TCF3: variants seen among roughly 807,000 people sequenced by gnomAD.
The protein encoded by TCF3 is transcription factor 3, also known as transcription factor E2-alpha.
Under a neutral mutation model 72.3 loss-of-function variants are expected in TCF3, and 54 were observed. The ratio of observed to expected loss-of-function variants is 0.75; its 90% confidence interval spans 0.60 to 0.94. TCF3 has a LOEUF of 0.94. Ranked by LOEUF, TCF3 falls within the 40% of genes least tolerant of loss-of-function variation. The pLI is 0.00. For synonymous variants in TCF3, 525 were observed against 412.6 expected (o/e 1.27, Z -3.30); for missense variants, 1,078 against 934.4 (o/e 1.15, Z -2.00).
chr19:1,614,059 C>A lies in TCF3; in HGVS notation c.1822+1226G>T, dbSNP rs138186572. The stretch of plus-strand genomic sequence containing the variant: ...GTGACCTCGCTCTGTTCCCTGGCTT[C>A]CTACTTGGTAGAATGGATGCCGGTC... On this transcript the variant is annotated intron_variant, in intron 18 of 18. Coordinates refer to ENST00000262965, the MANE Select transcript of TCF3 (RefSeq NM_003200.5). The surrounding 1 kb of genome is among the most constrained non-coding windows in gnomAD (Gnocchi z 5.6). 1.1e-3 allele frequency among the ~76,000 whole-genome samples: 168 copies of A among 152,376 alleles called. No homozygotes were observed. Among genetic ancestry groups the A allele is most frequent in the Non-Finnish European group, 2.1e-3 (146 of 68,038 alleles).
intron 3 of TCF3, among the ~76,000 whole-genome samples, chr19:1,644,181 G>A (rs1283431456): frequency 1.3e-5 from 2 of 152,148 alleles, no homozygotes; most frequent in Admixed American, 1.3e-4. Context: ...TCCGCCCCTC[G>A]CACCCATCGA....
chr19:1,621,294 A>G (rs2146094802), intron 11 of TCF3, 103 bp from the exon 12 acceptor site: 4 of 1,333,776 alleles, frequency 3.0e-6, no homozygotes, highest in Non-Finnish European at 4.0e-6. Context: ...CTGCTGCGCC[A>G]GGGAGAGCAG....
In TCF3 at chr19:1,619,174, C is replaced by T. The variant is rs375753059; in HGVS notation, c.1387G>A (p.Ala463Thr). Residue 463 changes from alanine (A) to threonine (T), a missense_variant, in exon 16 of 19, where the codon GCG becomes ACG. Physicochemically the swap from Ala to Thr is moderately conservative, Grantham distance 58. Transcript: ENST00000262965. The stretch of plus-strand genomic sequence containing the variant: ...GTGCCTGGCTGGCTGGGGAGGGCCG[C>T]GTGGTTGTGCATGAGGCTGGTGCTG... Reference protein sequence around the residue: ...AGSTSLMHNHAALPSQPGTLP... With the variant: ...AGSTSLMHNHTALPSQPGTLP... 1.9e-5 allele frequency: 30 copies of T among 1,600,172 alleles called. No homozygotes were observed. The highest frequency in any genetic ancestry group is 6.7e-5 in the Admixed American group (4 of 59,968).
Position 1,619,743 on chromosome 19 carries a change from T to C in TCF3, c.1167+37A>G, listed in dbSNP as rs1178169147. On this transcript the variant is annotated intron_variant, in intron 14 of 18. Transcript: ENST00000262965. ...AGGAGCGTCTGTCCTGCAAATTCTG[T>C]CGGGGAAGGGTGGGGTGGGGCGGGG... The C allele has an allele frequency of 8.5e-6, 5 of 588,560 alleles. No individual in the cohort carries two copies. In the African/African-American group the frequency reaches 1.9e-4, roughly 22 times the overall value. 36.5% of individuals were successfully genotyped at this position (588,560 alleles called of 1,614,324 possible). A position where few individuals can be genotyped will look rare whatever the true frequency, so the allele number is the denominator to read the frequency against.
chr19:1,621,716 C>T, intron 11 of TCF3, 122 bp downstream of exon 11: 1 of 1,311,608 alleles, frequency 7.6e-7, no homozygotes, highest in South Asian at 1.5e-5. Context: ...CTGACAACAA[C>T]CCGCTCTCAG....
intron 5 of TCF3, among the ~76,000 whole-genome samples, chr19:1,629,796 C>T (rs531182929): frequency 4.6e-5 from 7 of 152,288 alleles, no homozygotes; most frequent in South Asian, 2.1e-4. Context: ...AAAAATTTCC[C>T]GATTTTTGAA....
chr19:1,637,491 C>T (rs2064599890), intron 3 of TCF3, among the ~76,000 whole-genome samples: 1 of 152,214 alleles, frequency 6.6e-6, no homozygotes, highest in Admixed American at 6.5e-5. Context: ...CAGGGCCCCG[C>T]TTTGAATTTC....
intron 3 of TCF3, among the ~76,000 whole-genome samples, chr19:1,635,873 C>T (rs2064325741): frequency 1.3e-5 from 2 of 152,246 alleles, no homozygotes; most frequent in Admixed American, 1.3e-4. Context: ...ACCTCGACAG[C>T]TCCTCACGCA....
Position 1,615,935 on chromosome 19 carries a change from C to T in TCF3, c.1451-114G>A. 1 of 1,347,336 alleles carries T rather than the reference C, an allele frequency of 7.4e-7. No individual in the cohort carries two copies. Among genetic ancestry groups the T allele is most frequent in the Middle Eastern group, 2.1e-4 (1 of 4,834 alleles). 83.5% of individuals were successfully genotyped at this position (1,347,336 alleles called of 1,614,324 possible). On this transcript the variant is annotated intron_variant, in intron 16 of 18. Transcript: ENST00000262965. This position sits in a 1 kb window ranked among gnomAD's most constrained non-coding sequence, Gnocchi z 7.3. ...TTTCCTGGAAAAACCAGGTCTTGGC[C>T]AAAAATAAAAACAAAAAACCAACAA... is the stretch of plus-strand genomic sequence containing the variant.
Position 1,641,436 on chromosome 19 carries a change from G to A in TCF3, c.145+4919C>T, listed in dbSNP as rs961769771. Among the ~76,000 whole-genome samples, 7 of 152,156 alleles carry A rather than the reference G, an allele frequency of 4.6e-5. No individual in the cohort carries two copies. In the South Asian group the frequency reaches 1.5e-3, roughly 32 times the overall value. ...ATACAAGATCAGCCTGGAGAACACA[G>A]CAAGACCCCATCTAGACAATATTTT... is the stretch of plus-strand genomic sequence containing the variant. On this transcript the variant is annotated intron_variant, in intron 3 of 18. Coordinates refer to ENST00000262965, the MANE Select transcript of TCF3 (RefSeq NM_003200.5).
In TCF3 at chr19:1,609,564, A is replaced by G; in HGVS notation, c.*2143T>C. ...CGTTTGAATTCTATGCAGAACGCAC[A>G]GTTCCAGAGGCTATGGGGCCACTGC... On this transcript the variant is annotated 3_prime_UTR_variant, in exon 19 of 19. Transcript: ENST00000262965. 4.6e-6 allele frequency: 1 copy of G among 217,496 alleles called. No homozygotes were observed. The allele number at this position is 217,496 out of a possible 1,614,324, so 13.5% of individuals were successfully genotyped here. A position where few individuals can be genotyped will look rare whatever the true frequency, so the allele number is the denominator to read the frequency against.
At chr19:1,620,437 G>A (rs900175695) in intron 13 of TCF3, among the ~76,000 whole-genome samples, 1 of 152,176 alleles carries the variant, frequency 6.6e-6, no homozygotes, top group Non-Finnish European at 1.5e-5. Context: ...ACCGCACAGG[G>A]TAAACAGTCA....
In TCF3 at chr19:1,609,526, GCTGGGTGAATCT is replaced by G; in HGVS notation, c.*2169_*2180del. The G allele has an allele frequency of 4.6e-6, 1 of 218,440 alleles. No individual in the cohort carries two copies. Among genetic ancestry groups the G allele is most frequent in the East Asian group, 6.7e-5 (1 of 14,876 alleles). The allele number at this position is 218,440 out of a possible 1,614,324, so 13.5% of individuals were successfully genotyped here. On this transcript the variant is annotated 3_prime_UTR_variant, in exon 19 of 19. Coordinates refer to ENST00000262965, the MANE Select transcript of TCF3 (RefSeq NM_003200.5). ...GGAACTGCTGTTTCTTCCTCCTCGC[GCTGGGTGAATCT>G]CGTTTGAATTCTATGCAGAACGCAC... is the stretch of plus-strand genomic sequence containing the variant.
intron 2 of TCF3, 126 bp downstream of exon 2, chr19:1,650,051 G>A (rs1346553626): frequency 1.1e-6 from 1 of 949,920 alleles, no homozygotes. Context: ...AGCCCCACCG[G>A]GGCCTCCCAT....
intron 3 of TCF3, among the ~76,000 whole-genome samples, chr19:1,644,042 G>A (rs1399460942): frequency 6.6e-6 from 1 of 152,206 alleles, no homozygotes; most frequent in Non-Finnish European, 1.5e-5. Context: ...GGTTTGGGAA[G>A]GGATCCCACA....
intron 2 of TCF3, among the ~76,000 whole-genome samples, chr19:1,648,157 T>C (rs1357277905): frequency 1.3e-5 from 2 of 152,168 alleles, no homozygotes; most frequent in Non-Finnish European, 2.9e-5. Flanking sequence ...CTCCCTCGTA[T>C]TTATTTGGAG....
In TCF3 at chr19:1,611,632, G is replaced by A. The variant is rs748072696; in HGVS notation, c.*75C>T. 36 of 1,540,118 alleles carry A rather than the reference G, an allele frequency of 2.3e-5. No homozygotes were observed. Among genetic ancestry groups the A allele is most frequent in the Middle Eastern group, 3.9e-4 (2 of 5,120 alleles). On this transcript the variant is annotated 3_prime_UTR_variant, in exon 19 of 19. Coordinates refer to ENST00000262965, the MANE Select transcript of TCF3 (RefSeq NM_003200.5). ...TGAGGTGTGGATGTGGATGAAGCCCGGGGTCTCGAGTGGCCGTTCTGGGGC... is the reference window on the plus strand; with the variant it reads ...TGAGGTGTGGATGTGGATGAAGCCCAGGGTCTCGAGTGGCCGTTCTGGGGC...
intron 1 of TCF3, chr19:1,651,254 G>C: frequency 8.8e-6 from 2 of 228,514 alleles, no homozygotes; most frequent in East Asian, 6.2e-5. Context: ...TCCCCAGGTG[G>C]GGACGGGGGC....
At chr19:1,625,745 G>C in intron 6 of TCF3, 37 bp from the exon 7 acceptor site, 1 of 1,466,912 alleles carries the variant, frequency 6.8e-7, no homozygotes, top group Non-Finnish European at 9.0e-7. Flanking sequence ...CGCCCAGCTG[G>C]CATCCAGACC....
Sources: gnomAD v4.1 joint callset for allele counts (sites outside exome capture counted in the v4.1 genomes callset) on GRCh38, gnomAD v4.1.1 for gene constraint, Gnocchi (gnomAD v3.1) non-coding constraint, MANE v1.5 for transcripts, NCBI Gene and HGNC (gene_info 2026-07-23, HGNC 2026-07-21) for gene names.